SPDYE16: variants seen among roughly 807,000 people sequenced by gnomAD.
The protein encoded by SPDYE16 is speedy protein E16.
SPDYE16 carries 5 observed loss-of-function variants against 40.1 expected under a neutral mutation model. That is an observed-to-expected ratio of 0.12 (90% CI 0.07 to 0.26). The LOEUF (loss-of-function observed/expected upper bound fraction) is 0.26. Among genes scored for constraint, SPDYE16 ranks in the 10% least tolerant of loss-of-function variants. The pLI is 1.00. For missense variants in SPDYE16, 98 were observed against 409.8 expected (o/e 0.24, Z 6.57); for synonymous variants, 40 against 154.2 (o/e 0.26, Z 5.49).
chr7:76,533,289 G>A, intron 8 of SPDYE16: 1 of 669,770 alleles, frequency 1.5e-6, no homozygotes. Flanking sequence ...AAGCTTCACT[G>A]AACCCTCGAC....
At chr7:76,542,024 GTACAAGAGTGAGATT>G (rs1563775789) in intron 1 of SPDYE16, among the ~76,000 whole-genome samples, 144 bp from the exon 2 acceptor site, 16 of 148,062 alleles carry the variant, frequency 1.1e-4, no homozygotes, top group Non-Finnish European at 2.1e-4. Flanking sequence ...AGATTATCAT[GTACAAGAGTGAGATT>G]ATCATGTACA....
intron 4 of SPDYE16, 146 bp downstream of exon 4, chr7:76,538,440 C>T (rs1254275653): frequency 3.5e-6 from 3 of 863,960 alleles, no homozygotes; most frequent in Non-Finnish European, 5.1e-6. Flanking sequence ...CCTAAGTGTC[C>T]CTCATGAGTG....
At position 76,541,319 on chromosome 7, in the gene SPDYE16, A is replaced by T. The variant is rs939238579; in HGVS notation, c.141T>A (p.Asp47Glu). The T allele has an allele frequency of 2.0e-6, 3 of 1,534,400 alleles. No homozygotes were observed. The African/African-American group carries it at 4.1e-5, about 21-fold the overall frequency. ...SGYSLQEVVD[D>E]EVLGSSAPGV... ...CCTCACCTGATGATCCCAACACTTC[A>T]TCATCCACCACCTCCTGGAGGGAGT... Residue 47 changes from aspartate to glutamate, a missense_variant, in exon 2 of 9, where the codon GAT becomes GAA. Transcript: ENST00000633306.
chr7:76,532,527 A>C lies in SPDYE16; in HGVS notation c.*313T>G, dbSNP rs1246327666. The C allele has an allele frequency of 1.6e-5, 4 of 244,882 alleles. 2 individuals are homozygous for C. Among genetic ancestry groups the C allele is most frequent in the Non-Finnish European group, 2.9e-5 (4 of 137,542 alleles). The allele number at this position is 244,882 out of a possible 1,614,324, so 15.2% of individuals were successfully genotyped here. A position where few individuals can be genotyped will look rare whatever the true frequency, so the allele number is the denominator to read the frequency against. On this transcript the variant is annotated 3_prime_UTR_variant, in exon 9 of 9. Coordinates refer to ENST00000633306, the MANE Select transcript of SPDYE16 (RefSeq NM_001394943.1). ...GAGGTTGGCATTCAGCAATATAAAAAGGGTGGTGGTGCCGCAGGAAAGGGT... is the reference window on the plus strand; with the variant it reads ...GAGGTTGGCATTCAGCAATATAAAACGGGTGGTGGTGCCGCAGGAAAGGGT...
chr7:76,541,723 C>T lies in SPDYE16; in HGVS notation c.-264G>A, dbSNP rs1240074389. 6.9e-6 allele frequency among the ~76,000 whole-genome samples: 1 copy of T among 145,460 alleles called. No individual in the cohort carries two copies. The highest frequency in any genetic ancestry group is 6.9e-5 in the Admixed American group (1 of 14,476). Reference sequence around the variant, plus strand: ...GGAGATCCTGGGTGAATGGTATCTCCTGCCACTGTCCCAACCTCAGACCAT... The same window carrying T: ...GGAGATCCTGGGTGAATGGTATCTCTTGCCACTGTCCCAACCTCAGACCAT... On this transcript the variant is annotated 5_prime_UTR_variant, in exon 2 of 9. Transcript: ENST00000633306.
At position 76,541,801 on chromosome 7, in the gene SPDYE16, G is replaced by A. The variant is rs1813191936; in HGVS notation, c.-342C>T. Among the ~76,000 whole-genome samples, 2 of 138,120 alleles carry A rather than the reference G, an allele frequency of 1.4e-5. No individual in the cohort carries two copies. Among genetic ancestry groups the A allele is most frequent in the Admixed American group, 1.5e-4 (2 of 13,620 alleles). The allele number at this position is 138,120 out of a possible 152,430, so 90.6% of individuals were successfully genotyped here. ...CATCCCTCTGTTCCCTGTCCCAGCA[G>A]AGGCTGTGTCCTCTCCACTCAAAGC... On this transcript the variant is annotated 5_prime_UTR_variant, in exon 2 of 9. Transcript: ENST00000633306.
rs1270803659 is a variant in SPDYE16, at chr7:76,541,488, A to G, written c.-29T>C. The G allele has an allele frequency of 9.8e-6, 15 of 1,533,668 alleles. No homozygotes were observed. Among genetic ancestry groups the G allele is most frequent in the African/African-American group, 1.4e-5 (1 of 72,458 alleles). On this transcript the variant is annotated 5_prime_UTR_variant, in exon 2 of 9. Coordinates refer to ENST00000633306, the MANE Select transcript of SPDYE16 (RefSeq NM_001394943.1). ...CTTCTTCTGGACACTGCTAGGATCC[A>G]GAAGAGTATGTTATCAATTCTCAAG...
At chr7:76,538,390 G>A (rs1038855671) in intron 4 of SPDYE16, among the ~76,000 whole-genome samples, 196 bp downstream of exon 4, 4 of 146,366 alleles carry the variant, frequency 2.7e-5, no homozygotes, top group Admixed American at 2.1e-4. Flanking sequence ...CTTATCCCAA[G>A]TTCTGACCTT....
intron 2 of SPDYE16, among the ~76,000 whole-genome samples, chr7:76,540,856 C>T (rs999720402): frequency 6.9e-6 from 1 of 145,630 alleles, no homozygotes; most frequent in Non-Finnish European, 1.5e-5. Flanking sequence ...CCTTGGCCTC[C>T]CAAAGTTCTG....
At chr7:76,541,274 A>G in intron 2 of SPDYE16, 26 bp downstream of exon 2, 1 of 1,531,186 alleles carries the variant, frequency 6.5e-7, no homozygotes, top group Non-Finnish European at 8.7e-7. Context: ...ATCCTATCCC[A>G]CCTCTTCTTC....
In SPDYE16 at chr7:76,541,838, T is replaced by TG. The variant is rs1324993776; in HGVS notation, c.-380dup. 2.3e-5 allele frequency among the ~76,000 whole-genome samples: 3 copies of TG among 131,338 alleles called. No individual in the cohort carries two copies. The highest frequency in any genetic ancestry group is 8.5e-5 in the African/African-American group (3 of 35,336). 86.2% of individuals were successfully genotyped at this position (131,338 alleles called of 152,430 possible). The stretch of plus-strand genomic sequence containing the variant: ...TCTCCACTCAAAGCCTGAAGCATGT[T>TG]GGGGTCTCTTCATCTCTGTACATGC... On this transcript the variant is annotated 5_prime_UTR_variant, in exon 2 of 9. An upstream open reading frame in the 5' UTR gains an earlier in-frame stop. Coordinates refer to ENST00000633306, the MANE Select transcript of SPDYE16 (RefSeq NM_001394943.1).
In SPDYE16 at chr7:76,541,385, G is replaced by A; in HGVS notation, c.75C>T (p.His25=). 2.0e-6 allele frequency: 3 copies of A among 1,534,690 alleles called. No homozygotes were observed. The highest frequency in any genetic ancestry group is 2.6e-6 in the Non-Finnish European group (3 of 1,146,580). The change falls in exon 2 of 9, where the codon CAC becomes CAT. Residue 25 remains histidine, a synonymous_variant. Coordinates refer to ENST00000633306, the MANE Select transcript of SPDYE16 (RefSeq NM_001394943.1). ...KGKITTSRQP[H]PQNEQSPQRS... is the part of the protein sequence containing the mutation. ...GCTGGGGACTCTGCTCATTCTGGGG[G>A]TGAGGTTGACGGCTGGTCGTGATCT... is the stretch of plus-strand genomic sequence containing the variant.
rs575300885 is a variant in SPDYE16, at chr7:76,532,572, G to T, written c.*268C>A. 1.6e-4 allele frequency: 47 copies of T among 298,156 alleles called. 7 individuals carry two copies. Among genetic ancestry groups the T allele is most frequent in the Admixed American group, 2.7e-4 (7 of 25,818 alleles). 18.5% of individuals were successfully genotyped at this position (298,156 alleles called of 1,614,324 possible). On this transcript the variant is annotated 3_prime_UTR_variant, in exon 9 of 9. Coordinates refer to ENST00000633306, the MANE Select transcript of SPDYE16 (RefSeq NM_001394943.1). ...AAGGGTGGAACTGGAAACACTCCTG[G>T]TTTCTTACTTTTCTCCAAGGACTCC...
In SPDYE16 at chr7:76,541,799, C is replaced by A. The variant is rs1410494655; in HGVS notation, c.-340G>T. ...CACATCCCTCTGTTCCCTGTCCCAGCAGAGGCTGTGTCCTCTCCACTCAAA... is the reference window on the plus strand; with the variant it reads ...CACATCCCTCTGTTCCCTGTCCCAGAAGAGGCTGTGTCCTCTCCACTCAAA... On this transcript the variant is annotated 5_prime_UTR_variant, in exon 2 of 9. Coordinates refer to ENST00000633306, the MANE Select transcript of SPDYE16 (RefSeq NM_001394943.1). Among the ~76,000 whole-genome samples, 3 of 138,038 alleles carry A rather than the reference C, an allele frequency of 2.2e-5. No homozygotes were observed. Among genetic ancestry groups the A allele is most frequent in the Non-Finnish European group, 4.8e-5 (3 of 62,032 alleles). The allele number at this position is 138,038 out of a possible 152,430, so 90.6% of individuals were successfully genotyped here.
intron 6 of SPDYE16, among the ~76,000 whole-genome samples, chr7:76,534,574 G>A (rs1310599129): frequency 2.8e-5 from 3 of 106,718 alleles, no homozygotes; most frequent in African/African-American, 4.3e-5. Context: ...TGGTCAACAC[G>A]GAGAAACCCC....
In SPDYE16 at chr7:76,534,522, G is replaced by A. The variant is rs1220742723; in HGVS notation, c.756-403C>T. Among the ~76,000 whole-genome samples the A allele has an allele frequency of 3.5e-5, 3 of 86,200 alleles. 1 individual carries two copies. The highest frequency in any genetic ancestry group is 6.9e-5 in the Non-Finnish European group (3 of 43,180). 56.6% of individuals were successfully genotyped at this position (86,200 alleles called of 152,430 possible). On this transcript the variant is annotated intron_variant, in intron 6 of 8. Coordinates refer to ENST00000633306, the MANE Select transcript of SPDYE16 (RefSeq NM_001394943.1). ...TGTAATACCAGCACTTTAGAAGGCTGAAGCAGGTGGATTGCTTGAGACCAG... is the reference window on the plus strand; with the variant it reads ...TGTAATACCAGCACTTTAGAAGGCTAAAGCAGGTGGATTGCTTGAGACCAG...
chr7:76,541,994 G>A (rs1257245915), intron 1 of SPDYE16, among the ~76,000 whole-genome samples, 114 bp from the exon 2 acceptor site: 1 of 121,730 alleles, frequency 8.2e-6, no homozygotes, highest in Non-Finnish European at 1.8e-5. Flanking sequence ...ACAAGAGTGA[G>A]ATTATCATGT....
chr7:76,534,191 G>A, intron 6 of SPDYE16, 72 bp from the exon 7 acceptor site: 2 of 1,577,454 alleles, frequency 1.3e-6, no homozygotes, highest in African/African-American at 1.5e-5. Flanking sequence ...CAGCTTCCCA[G>A]AGAGGAAGGT....
chr7:76,539,916 C>T (rs1397762820), intron 3 of SPDYE16, among the ~76,000 whole-genome samples: 4 of 117,114 alleles, frequency 3.4e-5, no homozygotes, highest in Admixed American at 1.6e-4. Flanking sequence ...CGAAACCAAG[C>T]TTTCTCATCC....
Sources: gnomAD v4.1 joint callset for allele counts (sites outside exome capture counted in the v4.1 genomes callset) on GRCh38, gnomAD v4.1.1 for gene constraint, MANE v1.5 for transcripts, NCBI Gene and HGNC (gene_info 2026-07-23, HGNC 2026-07-21) for gene names.